The following POM121C variants were observed in gnomAD, a reference collection of about 807,000 sequenced individuals.
POM121C encodes the protein nuclear envelope pore membrane protein POM 121C.
A neutral mutation model predicts 66.4 loss-of-function variants in POM121C; 20 were observed. That is an observed-to-expected ratio of 0.30 (90% CI 0.21 to 0.44). The LOEUF is 0.44. Among genes scored for constraint, POM121C ranks in the 20% least tolerant of loss-of-function variants. The pLI is 1.00. For synonymous variants in POM121C, 286 were observed against 528.0 expected (o/e 0.54, Z 6.28); for missense variants, 580 against 1,225.7 (o/e 0.47, Z 7.87).
At chr7:75,453,015 G>A (rs1791076305) in intron 3 of POM121C, among the ~76,000 whole-genome samples, 1 of 152,148 alleles carries the variant, frequency 6.6e-6, no homozygotes, top group Non-Finnish European at 1.5e-5. Flanking sequence ...GCAGAAACAG[G>A]TGTGTGCTTC....
At chr7:75,429,580 G>A (rs1269042371) in intron 7 of POM121C, among the ~76,000 whole-genome samples, 3 of 152,136 alleles carry the variant, frequency 2.0e-5, no homozygotes, top group African/African-American at 7.2e-5. Context: ...GCAGTGAGCC[G>A]AGATTGTGCC....
chr7:75,448,629 C>G (rs1207629038), intron 3 of POM121C, among the ~76,000 whole-genome samples: 3 of 140,706 alleles, frequency 2.1e-5, no homozygotes, highest in African/African-American at 8.0e-5. Context: ...TGGTGAAACC[C>G]CATCTCTACT....
rs148157801 is a variant in POM121C at position 75,422,000 on chromosome 7, G to A, written c.2252C>T (p.Thr751Met). The change falls in exon 13 of 15, where the codon ACG becomes ATG. Residue 751 changes from threonine (T) to methionine (M), a missense_variant. Physicochemically the swap from Thr to Met is moderately conservative, Grantham distance 81 (BLOSUM62 -1). Transcript: ENST00000615331. ...CACGTGCGCAGGCACGATCTTGATC[G>A]TGGACGCAGGTGCAGGTGTGGGTGC... ...ATAPTPAPAS[T>M]IKIVPAHVPT... 2,679 of 1,575,114 alleles carry A rather than the reference G, an allele frequency of 1.7e-3. 5 individuals carry two copies. The African/African-American group carries it at 0.019, about 11-fold the overall frequency.
At chr7:75,465,459 A>T (rs782673469) in intron 3 of POM121C, among the ~76,000 whole-genome samples, 51 of 151,636 alleles carry the variant, frequency 3.4e-4, no homozygotes, top group Non-Finnish European at 6.6e-4. Flanking sequence ...AAAATAAAAA[A>T]GTAGCCTGAG....
chr7:75,481,310 T>C (rs1792303249), intron 1 of POM121C, among the ~76,000 whole-genome samples: 1 of 151,500 alleles, frequency 6.6e-6, no homozygotes, highest in South Asian at 2.1e-4. Flanking sequence ...TCAAAAGGAC[T>C]CAGAAACCAA....
intron 11 of POM121C, 30 bp downstream of exon 11, chr7:75,424,496 C>T (rs62476649): frequency 1.2e-5 from 20 of 1,609,996 alleles, no homozygotes; most frequent in Admixed American, 1.2e-4. Flanking sequence ...CCTGAAACCT[C>T]TCGAGAGTGC....
intron 3 of POM121C, among the ~76,000 whole-genome samples, chr7:75,444,244 AT>A (rs1451789159): frequency 1.1e-5 from 1 of 90,066 alleles, no homozygotes; most frequent in African/African-American, 3.7e-5. Flanking sequence ...ATAAGACTTA[AT>A]TTGAAAAAAA....
intron 1 of POM121C, among the ~76,000 whole-genome samples, chr7:75,481,044 T>C (rs1244610113): frequency 2.7e-5 from 4 of 145,800 alleles, no homozygotes; most frequent in Admixed American, 2.1e-4. Context: ...TATATATATA[T>C]ATAAATATAT....
At position 75,440,976 on chromosome 7, in the gene POM121C, C is replaced by CAAGGAATA. The variant is rs1261141776; in HGVS notation, c.197_204dup (p.Asp69TyrfsTer42). 2 of 1,613,848 alleles carry CAAGGAATA rather than the reference C, an allele frequency of 1.2e-6. No individual in the cohort carries two copies. Among genetic ancestry groups the CAAGGAATA allele is most frequent in the Admixed American group, 1.7e-5 (1 of 59,988 alleles). On this transcript the variant is annotated frameshift_variant, in exon 5 of 15. Coordinates refer to ENST00000615331, the MANE Select transcript of POM121C (RefSeq NM_001099415.3). LOFTEE classifies it high-confidence loss of function. ...TACCTTCTTTTATTTTCCTGGCCAT[C>CAAGGAATA]AAGGAATATTTGGTCTTCTTCCTCC...
chr7:75,418,871 G>A lies in POM121C; in HGVS notation c.2889C>T (p.Ser963=), dbSNP rs782592676. 6.8e-6 allele frequency: 11 copies of A among 1,611,550 alleles called. No individual in the cohort carries two copies. The South Asian group carries it at 9.9e-5, about 14-fold the overall frequency. ...CTGGGGTCTTGGATCCCGCACCAAT[G>A]GAAAATGAAGGGGCCGCCGATCCTG... ...GPFGSAAPSF[S]IGAGSKTPGA... The change falls in exon 15 of 15, where the codon TCC becomes TCT. Residue 963 remains serine (S), a synonymous_variant. Coordinates refer to ENST00000615331, the MANE Select transcript of POM121C (RefSeq NM_001099415.3).
chr7:75,433,654 T>C (rs1790279758), intron 7 of POM121C, among the ~76,000 whole-genome samples: 1 of 152,172 alleles, frequency 6.6e-6, no homozygotes, highest in Non-Finnish European at 1.5e-5. Flanking sequence ...CCACTGTGCC[T>C]GGCCAAAAGA....
intron 1 of POM121C, among the ~76,000 whole-genome samples, chr7:75,476,143 T>G (rs1448146058): frequency 2.6e-5 from 4 of 152,114 alleles, no homozygotes; most frequent in African/African-American, 9.7e-5. Flanking sequence ...TTTAAAAAAT[T>G]GGCTGGGCAT....
At position 75,418,345 on chromosome 7, in the gene POM121C, C is replaced by A; in HGVS notation, c.*451G>T. ...AGAGGAAGAGAACCACTTCTCACAG[C>A]TAAGCCAAGCAAGATAAAGCTTTAG... is the stretch of plus-strand genomic sequence containing the variant. On this transcript the variant is annotated 3_prime_UTR_variant, in exon 15 of 15. Coordinates refer to ENST00000615331, the MANE Select transcript of POM121C (RefSeq NM_001099415.3). 2.0e-6 allele frequency: 2 copies of A among 984,462 alleles called. No individual in the cohort carries two copies. Among genetic ancestry groups the A allele is most frequent in the Non-Finnish European group, 2.4e-6 (2 of 828,248 alleles). The allele number at this position is 984,462 out of a possible 1,614,324, so 61.0% of individuals were successfully genotyped here.
intron 3 of POM121C, among the ~76,000 whole-genome samples, chr7:75,451,949 C>T (rs4728869): frequency 6.8e-6 from 1 of 146,376 alleles, no homozygotes. Context: ...GGTGGATCAC[C>T]TGAGCTCAGG....
chr7:75,417,503 T>C lies in POM121C; in HGVS notation c.*1293A>G, dbSNP rs1250036236. The C allele has an allele frequency of 1.0e-6, 1 of 985,216 alleles. No homozygotes were observed. Among genetic ancestry groups the C allele is most frequent in the Non-Finnish European group, 1.2e-6 (1 of 829,416 alleles). 61.0% of individuals were successfully genotyped at this position (985,216 alleles called of 1,614,324 possible). ...GCATTCATACTTCTCCCAAAGAGGTTGGGCGTGACAGCAAGGCGCTTGGGC... is the reference window on the plus strand; with the variant it reads ...GCATTCATACTTCTCCCAAAGAGGTCGGGCGTGACAGCAAGGCGCTTGGGC... On this transcript the variant is annotated 3_prime_UTR_variant, in exon 15 of 15. Coordinates refer to ENST00000615331, the MANE Select transcript of POM121C (RefSeq NM_001099415.3).
chr7:75,468,248 C>T (rs587742025), intron 3 of POM121C, among the ~76,000 whole-genome samples: 5 of 151,272 alleles, frequency 3.3e-5, no homozygotes, highest in African/African-American at 9.7e-5. Flanking sequence ...AACTATACAA[C>T]GCCTTCCCAG....
At position 75,422,037 on chromosome 7, in the gene POM121C, C is replaced by A; in HGVS notation, c.2215G>T (p.Ala739Ser). 6.2e-7 allele frequency: 1 copy of A among 1,613,290 alleles called. No individual in the cohort carries two copies. Among genetic ancestry groups the A allele is most frequent in the Non-Finnish European group, 8.5e-7 (1 of 1,179,480 alleles). The part of the protein sequence containing the change: ...SFTFGNSAAP[A>S]PATAPTPAPA... Reference sequence around the variant, plus strand: ...GCAGGTGTGGGTGCAGTAGCCGGGGCCGGGGCTGCAGAGTTTCCAAAAGTG... The same window carrying A: ...GCAGGTGTGGGTGCAGTAGCCGGGGACGGGGCTGCAGAGTTTCCAAAAGTG... The change falls in exon 13 of 15, where the codon GCC becomes TCC. Residue 739 changes from alanine to serine, a missense_variant. Coordinates refer to ENST00000615331, the MANE Select transcript of POM121C (RefSeq NM_001099415.3).
At chr7:75,438,923 G>C (rs1336192901) in intron 6 of POM121C, among the ~76,000 whole-genome samples, 3 of 152,158 alleles carry the variant, frequency 2.0e-5, no homozygotes, top group Non-Finnish European at 2.9e-5. Context: ...AAAACCTCTA[G>C]TCTCAGCATA....
Position 75,421,256 on chromosome 7 carries a change from A to G in POM121C, c.2743+253T>C, listed in dbSNP as rs13438694. ...CTCCCAAAATATTGGGATTACAAGC[A>G]TGAGCCACTGCGCCCAACCTTCAGC... On this transcript the variant is annotated intron_variant, in intron 13 of 14. Coordinates refer to ENST00000615331, the MANE Select transcript of POM121C (RefSeq NM_001099415.3). 0.015 allele frequency: 16,551 copies of G among 1,136,586 alleles called. 2,138 individuals carry two copies. In the African/African-American group the frequency reaches 0.25, roughly 17 times the overall value. 70.4% of individuals were successfully genotyped at this position (1,136,586 alleles called of 1,614,324 possible).
Sources: gnomAD v4.1 joint callset for allele counts (sites outside exome capture counted in the v4.1 genomes callset) on GRCh38, gnomAD v4.1.1 for gene constraint, MANE v1.5 for transcripts, NCBI Gene and HGNC (gene_info 2026-07-23, HGNC 2026-07-21) for gene names.